The following HIVEP2 variants were observed in gnomAD, a reference collection of about 807,000 sequenced individuals.
HIVEP2 encodes the protein transcription factor HIVEP2.
HIVEP2 carries 14 observed loss-of-function variants against 180.7 expected under a neutral mutation model. That is an observed-to-expected ratio of 0.08 (90% CI 0.05 to 0.12). HIVEP2 has a LOEUF of 0.12. Among genes scored for constraint, HIVEP2 ranks in the 10% least tolerant of loss-of-function variants. The probability of loss-of-function intolerance (pLI) is 1.00; values close to 1 mark genes in which losing one functional copy is unlikely to be tolerated. For synonymous variants in HIVEP2, 1,184 were observed against 1,136.4 expected, an observed-to-expected ratio of 1.04 and a Z score of -0.84; for missense variants, 2,579 against 3,008.5, an observed-to-expected ratio of 0.86 and a Z score of 3.34.
intron 2 of HIVEP2, among the ~76,000 whole-genome samples, chr6:142,786,003 T>C (rs889758276): frequency 2.0e-5 from 3 of 152,238 alleles, no homozygotes; most frequent in Non-Finnish European, 4.4e-5. Context: ...TTGTTATAAA[T>C]TGAAATCAGT....
chr6:142,849,783 T>A (rs1202693106), intron 1 of HIVEP2, among the ~76,000 whole-genome samples: 1 of 152,104 alleles, frequency 6.6e-6, no homozygotes, highest in Non-Finnish European at 1.5e-5. Flanking sequence ...CCTCCCTAAG[T>A]GCTGGGACTA....
At chr6:142,894,628 T>C (rs1033470500) in intron 1 of HIVEP2, among the ~76,000 whole-genome samples, 2 of 152,250 alleles carry the variant, frequency 1.3e-5, no homozygotes, top group African/African-American at 4.8e-5. Context: ...AGATCACATT[T>C]ATTGAGTGTC....
chr6:142,936,107 G>T (rs1361936403), intron 1 of HIVEP2, among the ~76,000 whole-genome samples: 6 of 150,862 alleles, frequency 4.0e-5, no homozygotes, highest in Admixed American at 4.0e-4. Flanking sequence ...CCGAGAACTT[G>T]TCTCAAGAAG....
intron 1 of HIVEP2, among the ~76,000 whole-genome samples, chr6:142,864,407 A>G (rs770541123): frequency 4.6e-5 from 7 of 152,206 alleles, no homozygotes; most frequent in Non-Finnish European, 1.0e-4. Flanking sequence ...GAAGTTTTCC[A>G]AAGAAACTGA....
At chr6:142,934,803 C>T (rs1410751070) in intron 1 of HIVEP2, among the ~76,000 whole-genome samples, 1 of 152,164 alleles carries the variant, frequency 6.6e-6, no homozygotes, top group African/African-American at 2.4e-5. Context: ...GAAAGGAAAC[C>T]GTTTCACCCC....
At chr6:142,910,672 C>A (rs1300000988) in intron 1 of HIVEP2, among the ~76,000 whole-genome samples, 3 of 152,220 alleles carry the variant, frequency 2.0e-5, no homozygotes, top group African/African-American at 7.2e-5. Flanking sequence ...TGCTTAGAAG[C>A]AAGATCCCTA....
chr6:142,830,678 T>G (rs1226666191), intron 2 of HIVEP2, among the ~76,000 whole-genome samples: 1 of 152,180 alleles, frequency 6.6e-6, no homozygotes, highest in Admixed American at 6.5e-5. Flanking sequence ...ATACATGCTT[T>G]TTATCTATAT....
chr6:142,780,524 T>C (rs1318481984), intron 3 of HIVEP2, among the ~76,000 whole-genome samples: 1 of 152,196 alleles, frequency 6.6e-6, no homozygotes, highest in Non-Finnish European at 1.5e-5. Context: ...CTGAGACATA[T>C]AAAGAAAGGT....
chr6:142,773,104 T>C lies in HIVEP2; in HGVS notation c.1635A>G (p.Ser545=), dbSNP rs1421719435. The C allele has an allele frequency of 2.5e-6, 4 of 1,614,110 alleles. No individual in the cohort carries two copies. The African/African-American group carries it at 4.0e-5, about 16-fold the overall frequency. ...VDSSPLIRSN[S]VPTSSATNLT... is the part of the protein sequence containing the mutation. ...GATTAGTTGCTGAAGAAGTTGGCAC[T>C]GAGTTGCTTCTAATAAGGGGTGAAG... Residue 545 remains serine (S), a synonymous_variant, in exon 5 of 10, where the codon TCA becomes TCG. Transcript: ENST00000367603.
chr6:142,757,251 T>A (rs1212241392), intron 9 of HIVEP2, among the ~76,000 whole-genome samples: 1 of 152,186 alleles, frequency 6.6e-6, no homozygotes, highest in Non-Finnish European at 1.5e-5. Flanking sequence ...GATTCCCAGA[T>A]CTGTTCCCTC....
intron 3 of HIVEP2, among the ~76,000 whole-genome samples, chr6:142,777,714 G>T (rs1235510764): frequency 1.4e-5 from 2 of 142,672 alleles, no homozygotes; most frequent in African/African-American, 2.7e-5. Flanking sequence ...CAGAGGAAGA[G>T]GAAAGAAAGG....
chr6:142,792,951 A>C (rs1229278391), intron 2 of HIVEP2, among the ~76,000 whole-genome samples: 1 of 152,118 alleles, frequency 6.6e-6, no homozygotes, highest in African/African-American at 2.4e-5. Context: ...GAAAAGTAGA[A>C]GGTGAGGTCT....
At chr6:142,933,699 AC>A (rs1223599178) in intron 1 of HIVEP2, among the ~76,000 whole-genome samples, 1 of 152,216 alleles carries the variant, frequency 6.6e-6, no homozygotes, top group Non-Finnish European at 1.5e-5. Context: ...AAAGACTTGG[AC>A]TTTGTCCATT....
chr6:142,860,336 A>C (rs1216174317), intron 1 of HIVEP2, among the ~76,000 whole-genome samples: 1 of 152,220 alleles, frequency 6.6e-6, no homozygotes, highest in Non-Finnish European at 1.5e-5. Context: ...ATAAAGCTCT[A>C]CAACAGTGGT....
At chr6:142,755,205 C>T (rs1775033000) in intron 9 of HIVEP2, among the ~76,000 whole-genome samples, 1 of 152,164 alleles carries the variant, frequency 6.6e-6, no homozygotes, top group Non-Finnish European at 1.5e-5. Context: ...ATATCATATG[C>T]AAGCTGGAAA....
At chr6:142,877,097 T>A (rs1193941261) in intron 1 of HIVEP2, among the ~76,000 whole-genome samples, 4 of 152,170 alleles carry the variant, frequency 2.6e-5, no homozygotes, top group African/African-American at 9.7e-5. Flanking sequence ...CATAACAGTT[T>A]CTACAAAAGT....
chr6:142,800,858 A>G (rs560362842), intron 2 of HIVEP2, among the ~76,000 whole-genome samples: 109 of 152,318 alleles, frequency 7.2e-4, no homozygotes, highest in African/African-American at 2.4e-3. Context: ...GTCATGTGCT[A>G]TAACAGACAA....
At chr6:142,818,711 GAAA>G (rs773955131) in intron 2 of HIVEP2, among the ~76,000 whole-genome samples, 5 of 37,970 alleles carry the variant, frequency 1.3e-4, no homozygotes, top group Admixed American at 1.1e-3. Context: ...AAGAAAGAAA[GAAA>G]GAAAGAAAAG....
chr6:142,799,805 C>A (rs1461809460), intron 2 of HIVEP2, among the ~76,000 whole-genome samples: 2 of 152,184 alleles, frequency 1.3e-5, no homozygotes, highest in African/African-American at 4.8e-5. Flanking sequence ...AGTCCACAAA[C>A]ATAGTCCCTT....
Sources: allele counts gnomAD v4.1 joint callset (sites outside exome capture counted in the v4.1 genomes callset), GRCh38; gene constraint gnomAD v4.1.1; transcripts MANE v1.5; gene names NCBI Gene and HGNC (gene_info 2026-07-23, HGNC 2026-07-21).